Variants in EP400 observed in about 807,000 individuals in gnomAD.
EP400 encodes E1A-binding protein p400.
Under a neutral mutation model 354.1 loss-of-function variants are expected in EP400, and 105 were observed. That is an observed-to-expected ratio of 0.30 (90% CI 0.25 to 0.35). EP400 has a LOEUF of 0.35. EP400 is among the 10% of genes least tolerant of loss of function. EP400 has a pLI of 1.00. For missense variants in EP400, 3,280 were observed against 4,121.0 expected, an observed-to-expected ratio of 0.80 and a Z score of 5.59; for synonymous variants, 1,646 against 1,716.9, an observed-to-expected ratio of 0.96 and a Z score of 1.02.
intron 51 of EP400, among the ~76,000 whole-genome samples, chr12:132,069,920 C>A (rs1259398546): frequency 6.6e-6 from 1 of 152,206 alleles, no homozygotes; most frequent in African/African-American, 2.4e-5. Flanking sequence ...CAGTTCCAGG[C>A]TCCTCTTCTC....
chr12:132,027,293 A>G lies in EP400; in HGVS notation c.5015-144A>G, dbSNP rs1894338480. 2 of 766,266 alleles carry G rather than the reference A, an allele frequency of 2.6e-6. No homozygotes were observed. Among genetic ancestry groups the G allele is most frequent in the South Asian group, 1.6e-5 (1 of 64,174 alleles). 47.5% of individuals were successfully genotyped at this position (766,266 alleles called of 1,614,324 possible). A position where few individuals can be genotyped will look rare whatever the true frequency, so the allele number is the denominator to read the frequency against. ...CATTCCAGGCATGTGCTGGTGGAGG[A>G]TGAGGACTTGGGGACATGCCGTTGC... On this transcript the variant is annotated intron_variant, in intron 25 of 52. Coordinates refer to ENST00000389561, the MANE Select transcript of EP400 (RefSeq NM_015409.5). This position sits in a 1 kb window ranked among gnomAD's most constrained non-coding sequence, Gnocchi z 4.9.
At chr12:132,041,103 G>C (rs1052759739) in intron 32 of EP400, among the ~76,000 whole-genome samples, 7 of 152,258 alleles carry the variant, frequency 4.6e-5, no homozygotes, top group African/African-American at 1.7e-4. Flanking sequence ...CCTGGGGACA[G>C]AGAGGTAGGT....
Position 132,050,638 on chromosome 12 carries a change from G to T in EP400, c.7377G>T (p.Ala2459=). Residue 2459 remains alanine, a synonymous_variant, in exon 41 of 53, where the codon GCG becomes GCT. Coordinates refer to ENST00000389561, the MANE Select transcript of EP400 (RefSeq NM_015409.5). The surrounding 1 kb of genome is among the most constrained non-coding windows in gnomAD (Gnocchi z 4.8). The stretch of plus-strand genomic sequence containing the variant: ...CCTTTCAGAAGAACCCCAAGCACGC[G>T]TCTGTGTTGGCAGAAAGGTATTTCT... ...MNPFQKNPKH[A]SVLAESGINY... 1 of 1,614,194 alleles carries T rather than the reference G, an allele frequency of 6.2e-7. No individual in the cohort carries two copies. The highest frequency in any genetic ancestry group is 8.5e-7 in the Non-Finnish European group (1 of 1,180,048).
At chr12:132,046,000 C>T in intron 39 of EP400, 100 bp downstream of exon 39, 3 of 1,425,968 alleles carry the variant, frequency 2.1e-6, no homozygotes, top group Non-Finnish European at 9.6e-7. Flanking sequence ...TGACTGGGCT[C>T]CTTCATCCCT....
rs143524919 is a variant in EP400 at position 132,012,993 on chromosome 12, CCT to C, written c.3442-11_3442-10del. ...GTGGAGTGTGAAGGCACTGAGCTGT[CCT>C]CTCTGTGCTGCAGGAGTGGGCCGAA... On this transcript the variant is annotated splice_polypyrimidine_tract_variant and intron_variant, in intron 16 of 52. Transcript: ENST00000389561. 9.4e-3 allele frequency: 15,030 copies of C among 1,592,652 alleles called. 435 individuals are homozygous for C. Among genetic ancestry groups the C allele is most frequent in the South Asian group, 0.082 (7,288 of 88,766 alleles).
chr12:131,991,381 A>G (rs1893029451), intron 9 of EP400, 26 bp from the exon 10 acceptor site: 1 of 1,613,298 alleles, frequency 6.2e-7, no homozygotes, highest in African/African-American at 1.3e-5. Flanking sequence ...GGCCTTGGGA[A>G]CGAACTGTGC....
At chr12:131,959,380 T>C (rs955386706) in intron 1 of EP400, among the ~76,000 whole-genome samples, 29 of 152,284 alleles carry the variant, frequency 1.9e-4, no homozygotes, top group African/African-American at 5.1e-4. Context: ...CAGACGGGGC[T>C]GCAGTGGTGG....
intron 1 of EP400, among the ~76,000 whole-genome samples, chr12:131,956,143 C>A (rs540395476): frequency 6.6e-6 from 1 of 152,256 alleles, no homozygotes; most frequent in African/African-American, 2.4e-5. Flanking sequence ...CAGTGACCCA[C>A]GCAGCCCTCG....
chr12:132,039,476 C>T (rs1894823264), intron 32 of EP400, among the ~76,000 whole-genome samples: 1 of 152,120 alleles, frequency 6.6e-6, no homozygotes, highest in Non-Finnish European at 1.5e-5. Context: ...GGGTGAGACC[C>T]ACTCCCCCAG....
intron 5 of EP400, among the ~76,000 whole-genome samples, chr12:131,983,906 C>CTTT (rs1216458418): frequency 7.0e-6 from 1 of 142,442 alleles, no homozygotes. Context: ...AGTGCTTTTT[C>CTTT]TTTTTTTTTT....
chr12:131,990,721 C>T lies in EP400; in HGVS notation c.2629+7C>T, dbSNP rs766772990. 1 of 1,598,114 alleles carries T rather than the reference C, an allele frequency of 6.3e-7. No individual in the cohort carries two copies. Among genetic ancestry groups the T allele is most frequent in the African/African-American group, 1.4e-5 (1 of 74,034 alleles). On this transcript the variant is annotated splice_region_variant and intron_variant, in intron 9 of 52. Coordinates refer to ENST00000389561, the MANE Select transcript of EP400 (RefSeq NM_015409.5). The surrounding 1 kb of genome is among the most constrained non-coding windows in gnomAD (Gnocchi z 4.2). ...CAGAAAGTTTCCAGGAGAGGTAGGA[C>T]CCTTTAAAAAAAGGCTCACCACGCT...
At chr12:132,003,477 C>T (rs530199871) in intron 12 of EP400, among the ~76,000 whole-genome samples, 19 of 152,230 alleles carry the variant, frequency 1.2e-4, no homozygotes, top group Non-Finnish European at 2.1e-4. Context: ...TACTGAGGGA[C>T]GACTGTATTT....
chr12:132,002,723 C>T (rs555324947), intron 12 of EP400, among the ~76,000 whole-genome samples: 14 of 152,346 alleles, frequency 9.2e-5, no homozygotes, highest in Non-Finnish European at 1.5e-4. Flanking sequence ...TTGGAAGTCA[C>T]CTACGGTCAT....
chr12:132,014,442 G>T (rs1174405694), intron 19 of EP400, among the ~76,000 whole-genome samples: 3 of 152,186 alleles, frequency 2.0e-5, no homozygotes, highest in Non-Finnish European at 4.4e-5. Context: ...CAGAAGCTGT[G>T]CCCTTTGAGT....
intron 12 of EP400, among the ~76,000 whole-genome samples, chr12:131,999,351 A>G (rs1409103132): frequency 6.6e-6 from 1 of 152,156 alleles, no homozygotes; most frequent in African/African-American, 2.4e-5. Flanking sequence ...TCATAAATGG[A>G]CATAGTGTAT....
intron 51 of EP400, among the ~76,000 whole-genome samples, chr12:132,069,886 CTG>C (rs1268892750): frequency 6.6e-6 from 1 of 152,230 alleles, no homozygotes; most frequent in Non-Finnish European, 1.5e-5. Flanking sequence ...ATCTCCAGCT[CTG>C]TGGGGTACAG....
intron 2 of EP400, among the ~76,000 whole-genome samples, chr12:131,979,227 A>G (rs993081471): frequency 1.3e-5 from 2 of 151,706 alleles, no homozygotes; most frequent in Non-Finnish European, 2.9e-5. Flanking sequence ...AAAAAAAAAA[A>G]GATCTAAATT....
intron 39 of EP400, among the ~76,000 whole-genome samples, chr12:132,049,280 A>G (rs935288017): frequency 6.6e-6 from 1 of 152,204 alleles, no homozygotes; most frequent in Admixed American, 6.5e-5. Context: ...ATCCAGTGTC[A>G]TGTGTGATAG....
intron 2 of EP400, among the ~76,000 whole-genome samples, chr12:131,965,687 C>G (rs894249987): frequency 1.3e-5 from 2 of 152,160 alleles, no homozygotes; most frequent in African/African-American, 4.8e-5. Flanking sequence ...TTTGCCTTTT[C>G]CAGAATGAAT....
Sources: gnomAD v4.1 joint callset for allele counts (sites outside exome capture counted in the v4.1 genomes callset) on GRCh38, gnomAD v4.1.1 for gene constraint, Gnocchi (gnomAD v3.1) non-coding constraint, MANE v1.5 for transcripts, NCBI Gene and HGNC (gene_info 2026-07-23, HGNC 2026-07-21) for gene names.